Variants in MCM9 observed in about 807,000 individuals in gnomAD.
MCM9 encodes the protein minichromosome maintenance 9 homologous recombination repair factor.
Under a neutral mutation model 72.8 loss-of-function variants are expected in MCM9, and 55 were observed. The ratio of observed to expected loss-of-function variants is 0.76; its 90% CI spans 0.61 to 0.95. MCM9 has a LOEUF of 0.95. Ranked by LOEUF, MCM9 falls within the 40% of genes least tolerant of loss-of-function variation. The probability of loss-of-function intolerance (pLI) is 0.00; values close to 1 mark genes in which losing one functional copy is unlikely to be tolerated. For missense variants in MCM9, 1,279 were observed against 1,377.0 expected (o/e 0.93, Z 1.13); for synonymous variants, 480 against 503.4 (o/e 0.95, Z 0.62).
chr6:118,882,539 T>A (rs1778353197), intron 8 of MCM9, among the ~76,000 whole-genome samples: 1 of 152,150 alleles, frequency 6.6e-6, no homozygotes, highest in Non-Finnish European at 1.5e-5. Context: ...CTGACCAAAT[T>A]TAATTGAACC....
intron 9 of MCM9, among the ~76,000 whole-genome samples, chr6:118,850,179 T>C (rs1339787093): frequency 1.3e-5 from 2 of 151,908 alleles, no homozygotes; most frequent in Non-Finnish European, 2.9e-5. Context: ...AAACTACTTT[T>C]GAACATGCAC....
At chr6:118,924,189 T>C in intron 3 of MCM9, 62 bp from the exon 4 acceptor site, 1 of 1,383,532 alleles carries the variant, frequency 7.2e-7, no homozygotes, top group Admixed American at 2.1e-5. Flanking sequence ...CCAAGGGATA[T>C]ATTCTTCTCC....
At chr6:118,842,691 A>T (rs1454039193) in intron 9 of MCM9, among the ~76,000 whole-genome samples, 2 of 152,082 alleles carry the variant, frequency 1.3e-5, no homozygotes, top group African/African-American at 4.8e-5. Context: ...TGCTATTTTT[A>T]AAATTTTTTG....
At chr6:118,848,466 ATC>A (rs1388603093) in intron 9 of MCM9, among the ~76,000 whole-genome samples, 1 of 151,848 alleles carries the variant, frequency 6.6e-6, no homozygotes, top group African/African-American at 2.4e-5. Context: ...AGCCACTCCC[ATC>A]TGTTTACATA....
chr6:118,891,089 C>G (rs551509622), intron 8 of MCM9, among the ~76,000 whole-genome samples: 54 of 152,158 alleles, frequency 3.5e-4, no homozygotes, highest in Non-Finnish European at 7.1e-4. Flanking sequence ...TGTGTATGAC[C>G]TCAATTTGAC....
chr6:118,899,497 T>C (rs1232529067), intron 8 of MCM9, among the ~76,000 whole-genome samples: 1 of 152,134 alleles, frequency 6.6e-6, no homozygotes, highest in African/African-American at 2.4e-5. Flanking sequence ...ACTTCCTCTC[T>C]ATCTCCATCA....
chr6:118,844,841 C>T (rs1234230168), intron 9 of MCM9, among the ~76,000 whole-genome samples: 1 of 151,866 alleles, frequency 6.6e-6, no homozygotes, highest in Non-Finnish European at 1.5e-5. Context: ...GACAAACAGA[C>T]TCTTGTTTTA....
chr6:118,829,382 A>T, intron 9 of MCM9, 132 bp from the exon 10 acceptor site: 2 of 772,970 alleles, frequency 2.6e-6, no homozygotes, highest in South Asian at 4.1e-5. Context: ...ATGTAGAATG[A>T]CAGAAGGAGA....
intron 8 of MCM9, chr6:118,907,380 G>C: frequency 1.3e-6 from 2 of 1,513,122 alleles, no homozygotes; most frequent in African/African-American, 1.4e-5. Flanking sequence ...TTTACCATTT[G>C]TATGTTTCCT....
chr6:118,852,271 T>C (rs1419523155), intron 9 of MCM9, among the ~76,000 whole-genome samples: 2 of 152,214 alleles, frequency 1.3e-5, no homozygotes, highest in African/African-American at 2.4e-5. Context: ...CGTATAACTA[T>C]ATATTACATG....
At chr6:118,911,241 C>T (rs182535887) in intron 8 of MCM9, 64 of 987,500 alleles carry the variant, frequency 6.5e-5, no homozygotes, top group African/African-American at 5.0e-4. Flanking sequence ...TCAGTAGGAG[C>T]TACTGTTGCC....
chr6:118,844,831 GACAA>G (rs1436534285), intron 9 of MCM9, among the ~76,000 whole-genome samples: 2 of 151,832 alleles, frequency 1.3e-5, no homozygotes, highest in African/African-American at 2.4e-5. Flanking sequence ...TCCCAGCGCT[GACAA>G]ACAGACTCTT....
Position 118,816,069 on chromosome 6 carries a change from T to C in MCM9, c.2187A>G (p.Lys729=). Residue 729 remains lysine, a synonymous_variant, in exon 14 of 14, where the codon AAA becomes AAG. Coordinates refer to ENST00000619706, the MANE Select transcript of MCM9 (RefSeq NM_017696.3). The part of the protein sequence containing the change: ...HLEPNRSTSR[K]HSAQHKNNRD... ...TGTTATTTTTGTGCTGAGCTGAATGTTTCCTACTTGTTGATCTATTAGGCT... is the reference window on the plus strand; with the variant it reads ...TGTTATTTTTGTGCTGAGCTGAATGCTTCCTACTTGTTGATCTATTAGGCT... The C allele has an allele frequency of 6.5e-7, 1 of 1,550,212 alleles. No individual in the cohort carries two copies. Among genetic ancestry groups the C allele is most frequent in the Non-Finnish European group, 8.7e-7 (1 of 1,146,734 alleles).
In MCM9 at chr6:118,833,143, G is replaced by A. The variant is rs150174821; in HGVS notation, c.1326-3893C>T. On this transcript the variant is annotated intron_variant, in intron 9 of 13. Transcript: ENST00000619706. ...GGAGCTTGGGCCCGGAATCATTGTC[G>A]GAGCAGAGCACACCACCCTCAATCC... Among the ~76,000 whole-genome samples the A allele has an allele frequency of 1.8e-3, 274 of 152,174 alleles. 1 individual carries two copies. Among genetic ancestry groups the A allele is most frequent in the Middle Eastern group, 0.01 (3 of 294 alleles).
At chr6:118,837,574 C>G (rs1775049484) in intron 9 of MCM9, among the ~76,000 whole-genome samples, 1 of 152,116 alleles carries the variant, frequency 6.6e-6, no homozygotes, top group African/African-American at 2.4e-5. Context: ...CATATATATT[C>G]AGGATAGTTA....
rs185593667 is a variant in MCM9, at chr6:118,835,822, C to T, written c.1326-6572G>A. On this transcript the variant is annotated intron_variant, in intron 9 of 13. Coordinates refer to ENST00000619706, the MANE Select transcript of MCM9 (RefSeq NM_017696.3). ...AGAAACAATTTGACTTCCTCCCTTC[C>T]TATTTGTACCCATTATTTCTTTCTC... Among the ~76,000 whole-genome samples the T allele has an allele frequency of 4.6e-5, 7 of 152,196 alleles. No individual in the cohort carries two copies. In the East Asian group the frequency reaches 1.4e-3, roughly 29 times the overall value.
At chr6:118,900,204 T>C (rs930754238) in intron 8 of MCM9, among the ~76,000 whole-genome samples, 3 of 152,170 alleles carry the variant, frequency 2.0e-5, no homozygotes, top group Non-Finnish European at 4.4e-5. Flanking sequence ...CCATTGTTCG[T>C]TGACAGTTGA....
At chr6:118,893,935 A>G in intron 8 of MCM9, 2 of 846,546 alleles carry the variant, frequency 2.4e-6, no homozygotes, top group Non-Finnish European at 2.8e-6. Flanking sequence ...CGCCGCAGCC[A>G]CGCCTCCCCG....
chr6:118,921,030 T>C (rs967484714), intron 5 of MCM9: 1 of 152,198 alleles, frequency 6.6e-6, no homozygotes, highest in African/African-American at 2.4e-5. Context: ...GAGTAAAGCA[T>C]AAGCTCAGAA....
Sources: gnomAD v4.1 joint callset for allele counts (sites outside exome capture counted in the v4.1 genomes callset) on GRCh38, gnomAD v4.1.1 for gene constraint, MANE v1.5 for transcripts, NCBI Gene and HGNC (gene_info 2026-07-23, HGNC 2026-07-21) for gene names.